The following EIF2AK4 variants were observed in gnomAD, a reference collection of about 807,000 sequenced individuals.
EIF2AK4 encodes the protein eIF-2-alpha kinase GCN2.
Under a neutral mutation model 211.1 loss-of-function variants are expected in EIF2AK4, and 139 were observed. That is an observed-to-expected ratio of 0.66 (90% CI 0.57 to 0.76). EIF2AK4 has a LOEUF of 0.76. Among genes scored for constraint, EIF2AK4 ranks in the 30% least tolerant of loss-of-function variants. EIF2AK4 has a pLI of 0.00. For missense variants in EIF2AK4, 1,664 were observed against 2,043.8 expected (o/e 0.81, Z 3.58); for synonymous variants, 710 against 751.3 (o/e 0.94, Z 0.90).
chr15:40,007,181 T>A (rs1421486660), intron 24 of EIF2AK4, 116 bp downstream of exon 24: 11 of 961,398 alleles, frequency 1.1e-5, no homozygotes. Context: ...AATTCTGGGT[T>A]CAGAATATTG....
chr15:40,034,197 C>T (rs1198846680), intron 37 of EIF2AK4, 129 bp from the exon 38 acceptor site: 1 of 690,764 alleles, frequency 1.4e-6, no homozygotes, highest in Non-Finnish European at 2.5e-6. Flanking sequence ...GTTCTGCTAT[C>T]TCCCTATTAC....
rs144578390 is a variant in EIF2AK4, at chr15:39,989,324, C to A, written c.2527-949C>A. Among the ~76,000 whole-genome samples, 893 of 152,238 alleles carry A rather than the reference C, an allele frequency of 5.9e-3. 13 individuals are homozygous for A. Among genetic ancestry groups the A allele is most frequent in the African/African-American group, 0.021 (864 of 41,518 alleles). ...TTCCTTTGCCTCAAATTTCTTTAAC[C>A]TTAAAATGTTTGTACTGTACCGTAT... On this transcript the variant is annotated intron_variant, in intron 15 of 38. Transcript: ENST00000263791.
At chr15:39,958,760 C>G (rs190748004) in intron 6 of EIF2AK4, among the ~76,000 whole-genome samples, 39 of 152,284 alleles carry the variant, frequency 2.6e-4, no homozygotes, top group Admixed American at 5.2e-4. Flanking sequence ...ATCCCTGCCC[C>G]TGTGTCTCAG....
intron 12 of EIF2AK4, 99 bp from the exon 13 acceptor site, chr15:39,977,979 G>T: frequency 2.7e-6 from 2 of 750,772 alleles, no homozygotes; most frequent in Non-Finnish European, 2.2e-6. Context: ...ATGGTGTGAT[G>T]TCTGTAGCCT....
chr15:39,992,558 A>T (rs920236884), intron 17 of EIF2AK4: 1 of 591,704 alleles, frequency 1.7e-6, no homozygotes, highest in African/African-American at 1.9e-5. Flanking sequence ...CCTCCTCTTC[A>T]ATAGCAAAGA....
rs775262517 is a variant in EIF2AK4 at position 39,997,070 on chromosome 15, G to T, written c.2868+5G>T. On this transcript the variant is annotated splice_donor_5th_base_variant and intron_variant, in intron 19 of 38. Coordinates refer to ENST00000263791, the MANE Select transcript of EIF2AK4 (RefSeq NM_001013703.4). ...GTTCTCAACCAACTCAGAGATGTAT[G>T]TATCAGGTGTTTTAGTGCCTACATT... is the stretch of plus-strand genomic sequence containing the variant. The T allele has an allele frequency of 3.1e-6, 5 of 1,601,446 alleles. No homozygotes were observed. Among genetic ancestry groups the T allele is most frequent in the Non-Finnish European group, 4.3e-6 (5 of 1,168,622 alleles).
At position 39,958,907 on chromosome 15, in the gene EIF2AK4, A is replaced by T. The variant is rs546100625; in HGVS notation, c.744-2877A>T. Among the ~76,000 whole-genome samples, 154 of 146,356 alleles carry T rather than the reference A, an allele frequency of 1.1e-3. No individual in the cohort carries two copies. The Middle Eastern group carries it at 0.011, about 10-fold the overall frequency. ...CTCTCTTCTTGCCACTTGGCTTTTT[A>T]AAAAAAAAAAGATTATCCTTTTTTC... is the stretch of plus-strand genomic sequence containing the variant. On this transcript the variant is annotated intron_variant, in intron 6 of 38. Coordinates refer to ENST00000263791, the MANE Select transcript of EIF2AK4 (RefSeq NM_001013703.4).
chr15:39,965,422 C>T (rs1239224160), intron 7 of EIF2AK4, among the ~76,000 whole-genome samples: 1 of 152,166 alleles, frequency 6.6e-6, no homozygotes, highest in East Asian at 1.9e-4. Flanking sequence ...CCACGCCTGG[C>T]CAAACATTGG....
chr15:39,994,928 G>A (rs1463945929), intron 18 of EIF2AK4, among the ~76,000 whole-genome samples: 2 of 152,020 alleles, frequency 1.3e-5, no homozygotes, highest in African/African-American at 2.4e-5. Flanking sequence ...TGCAACCTCC[G>A]CCTCCCAGGT....
At chr15:40,000,066 T>G (rs1381680292) in intron 20 of EIF2AK4, among the ~76,000 whole-genome samples, 3 of 152,206 alleles carry the variant, frequency 2.0e-5, no homozygotes, top group Non-Finnish European at 4.4e-5. Flanking sequence ...TAGAAGATGC[T>G]TATAGAATGA....
intron 33 of EIF2AK4, among the ~76,000 whole-genome samples, chr15:40,027,487 T>C (rs916799524): frequency 2.0e-5 from 3 of 152,230 alleles, no homozygotes; most frequent in Non-Finnish European, 2.9e-5. Context: ...AGAAGATTGT[T>C]TGAATTATGA....
chr15:39,955,086 C>A (rs924046798), intron 5 of EIF2AK4, among the ~76,000 whole-genome samples: 1 of 152,206 alleles, frequency 6.6e-6, no homozygotes, highest in South Asian at 2.1e-4. Flanking sequence ...ACCAGTGCTC[C>A]TGTCTTGCTC....
At chr15:40,034,687 C>G (rs1372239920) in intron 38 of EIF2AK4, among the ~76,000 whole-genome samples, 1 of 152,194 alleles carries the variant, frequency 6.6e-6, no homozygotes, top group Non-Finnish European at 1.5e-5. Flanking sequence ...CCAGGTAATT[C>G]ACTTTCTAAG....
chr15:40,003,321 C>G lies in EIF2AK4; in HGVS notation c.3357+7C>G. Reference sequence around the variant, plus strand: ...GCTTCCTTTTGACCTGCGGGTGAGGCTGGGAACACACTGCTGACAATCAGA... The same window carrying G: ...GCTTCCTTTTGACCTGCGGGTGAGGGTGGGAACACACTGCTGACAATCAGA... On this transcript the variant is annotated splice_region_variant and intron_variant, in intron 23 of 38. Coordinates refer to ENST00000263791, the MANE Select transcript of EIF2AK4 (RefSeq NM_001013703.4). 4 of 1,613,814 alleles carry G rather than the reference C, an allele frequency of 2.5e-6. No individual in the cohort carries two copies. The highest frequency in any genetic ancestry group is 3.4e-6 in the Non-Finnish European group (4 of 1,179,874).
Position 39,967,409 on chromosome 15 carries a change from C to T in EIF2AK4, c.1083C>T (p.Tyr361=). 1 of 1,613,378 alleles carries T rather than the reference C, an allele frequency of 6.2e-7. No individual in the cohort carries two copies. The highest frequency in any genetic ancestry group is 8.5e-7 in the Non-Finnish European group (1 of 1,179,934). ...VKLSHPNVVR[Y]LAMNLKEQDD... is the part of the protein sequence containing the mutation. ...TGAGCCATCCAAATGTAGTACGCTACCTTGCAATGAATCTCAAAGAGCAAG... is the reference window on the plus strand; with the variant it reads ...TGAGCCATCCAAATGTAGTACGCTATCTTGCAATGAATCTCAAAGAGCAAG... Residue 361 remains tyrosine (Y), a synonymous_variant, in exon 9 of 39, where the codon TAC becomes TAT. Coordinates refer to ENST00000263791, the MANE Select transcript of EIF2AK4 (RefSeq NM_001013703.4).
At chr15:40,032,016 G>A (rs1026797671) in intron 35 of EIF2AK4, among the ~76,000 whole-genome samples, 153 bp from the exon 36 acceptor site, 10 of 152,318 alleles carry the variant, frequency 6.6e-5, no homozygotes, top group South Asian at 4.1e-4. Flanking sequence ...ATGAGCCATC[G>A]TACCCAGCCA....
intron 14 of EIF2AK4, 107 bp from the exon 15 acceptor site, chr15:39,987,876 A>G: frequency 1.5e-6 from 2 of 1,318,058 alleles, no homozygotes; most frequent in Non-Finnish European, 2.1e-6. Context: ...CTAACCGTTT[A>G]AAACCCATGG....
intron 7 of EIF2AK4, among the ~76,000 whole-genome samples, chr15:39,965,110 G>C (rs879855436): frequency 6.6e-6 from 1 of 152,082 alleles, no homozygotes; most frequent in African/African-American, 2.4e-5. Flanking sequence ...ATGGCTAGTA[G>C]CATAAAACAC....
intron 23 of EIF2AK4, among the ~76,000 whole-genome samples, chr15:40,005,193 T>C (rs113878923): frequency 0.014 from 2,181 of 152,336 alleles, 49 homozygotes; most frequent in African/African-American, 0.05. Flanking sequence ...CTGATTTTGG[T>C]ATCCTTGGGG....
Sources: allele counts gnomAD v4.1 joint callset (sites outside exome capture counted in the v4.1 genomes callset), GRCh38; gene constraint gnomAD v4.1.1; transcripts MANE v1.5; gene names NCBI Gene and HGNC (gene_info 2026-07-23, HGNC 2026-07-21).